CHN2: variants seen among roughly 807,000 people sequenced by gnomAD.
CHN2 encodes the protein chimerin 2, also known as beta-chimaerin.
CHN2 carries 35 observed loss-of-function variants against 56.3 expected under a neutral mutation model. That is an observed-to-expected ratio of 0.62 (90% CI 0.47 to 0.82). CHN2 has a LOEUF of 0.82. Ranked by LOEUF, CHN2 falls within the 40% of genes least tolerant of loss-of-function variation. The pLI, the probability that CHN2 is intolerant of heterozygous loss-of-function variation, is 0.00. For synonymous variants in CHN2, 210 were observed against 212.8 expected (o/e 0.99, Z 0.12); for missense variants, 491 against 580.5 (o/e 0.85, Z 1.58).
At chr7:29,211,065 TTTTTTGTTG>T (rs1241725760) in intron 1 of CHN2, among the ~76,000 whole-genome samples, 9 of 100,402 alleles carry the variant, frequency 9.0e-5, no homozygotes, top group African/African-American at 3.1e-4. Flanking sequence ...TTTTGTTTTT[TTTTTTGTTG>T]TTGTTGTTGT....
At chr7:29,289,568 C>T (rs570167048) in intron 1 of CHN2, among the ~76,000 whole-genome samples, 38 of 152,122 alleles carry the variant, frequency 2.5e-4, no homozygotes, top group Admixed American at 1.8e-3. Flanking sequence ...AATTCTAGAA[C>T]TGAACAGAGG....
At chr7:29,495,406 A>G (rs1452577128) in intron 7 of CHN2, among the ~76,000 whole-genome samples, 1 of 152,210 alleles carries the variant, frequency 6.6e-6, no homozygotes, top group Non-Finnish European at 1.5e-5. Flanking sequence ...TGGGGAAAGC[A>G]ATTCCACAGG....
chr7:29,255,276 G>T (rs1278043547), intron 1 of CHN2, among the ~76,000 whole-genome samples: 1 of 152,180 alleles, frequency 6.6e-6, no homozygotes, highest in Non-Finnish European at 1.5e-5. Context: ...TCCAGGGAAG[G>T]CCATCGAGCT....
At chr7:29,444,801 T>C (rs926662974) in intron 6 of CHN2, among the ~76,000 whole-genome samples, 1 of 152,186 alleles carries the variant, frequency 6.6e-6, no homozygotes, top group Non-Finnish European at 1.5e-5. Context: ...ACCACACTAC[T>C]CTTGGACAGT....
intron 6 of CHN2, 124 bp downstream of exon 6, chr7:29,400,952 A>G: frequency 1.1e-6 from 1 of 936,860 alleles, no homozygotes; most frequent in Middle Eastern, 2.7e-4. Flanking sequence ...AGAACTCTAG[A>G]ATGTTAGGGC....
At position 29,442,911 on chromosome 7, in the gene CHN2, T is replaced by A. The variant is rs571160634; in HGVS notation, c.577-37368T>A. Among the ~76,000 whole-genome samples the A allele has an allele frequency of 6.7e-5, 10 of 150,030 alleles. 1 individual carries two copies. In the South Asian group the frequency reaches 2.1e-3, roughly 32 times the overall value. On this transcript the variant is annotated intron_variant, in intron 6 of 12. Transcript: ENST00000222792. ...TATGATTTTCTCCACTTAATCCCCA[T>A]CGCTTTCAATTTCATTGAATTTCTT...
intron 2 of CHN2, among the ~76,000 whole-genome samples, chr7:29,363,312 C>T (rs1427505641): frequency 6.6e-6 from 1 of 152,200 alleles, no homozygotes; most frequent in Non-Finnish European, 1.5e-5. Context: ...ATGGTGAAAG[C>T]CTGTCTCTAC....
chr7:29,267,585 C>G (rs994065465), intron 1 of CHN2, among the ~76,000 whole-genome samples: 1 of 152,126 alleles, frequency 6.6e-6, no homozygotes, highest in Non-Finnish European at 1.5e-5. Context: ...ATACAAAAGG[C>G]CACCTACTTT....
chr7:29,368,015 C>T lies in CHN2; in HGVS notation c.144+28C>T, dbSNP rs1387991396. 7.6e-6 allele frequency: 12 copies of T among 1,586,382 alleles called. No homozygotes were observed. The East Asian group carries it at 2.7e-4, about 36-fold the overall frequency. On this transcript the variant is annotated intron_variant, in intron 3 of 12. Coordinates refer to ENST00000222792, the MANE Select transcript of CHN2 (RefSeq NM_004067.4). The stretch of plus-strand genomic sequence containing the variant: ...CAGTGCTCAGCTATTTCCAATACAC[C>T]TTGTTAAATATGATGAATTGTCAGC...
chr7:29,153,533 C>G (rs1019771445), intron 2 of CHN2, among the ~76,000 whole-genome samples: 3 of 152,134 alleles, frequency 2.0e-5, no homozygotes, highest in Admixed American at 6.6e-5. Flanking sequence ...TGATCCAATT[C>G]CACTTAATGA....
At chr7:29,215,027 A>G (rs1447988331) in intron 1 of CHN2, among the ~76,000 whole-genome samples, 1 of 152,208 alleles carries the variant, frequency 6.6e-6, no homozygotes, top group Non-Finnish European at 1.5e-5. Context: ...CTGCCACACC[A>G]GAACTTCTTG....
intron 8 of CHN2, 28 bp downstream of exon 8, chr7:29,496,064 A>G (rs775497292): frequency 4.0e-5 from 62 of 1,549,330 alleles, no homozygotes; most frequent in Non-Finnish European, 5.2e-5. Flanking sequence ...TTCTTTTCCA[A>G]TTATATGAAA....
At chr7:29,158,352 G>C (rs930874664) in intron 2 of CHN2, among the ~76,000 whole-genome samples, 2 of 152,160 alleles carry the variant, frequency 1.3e-5, no homozygotes, top group African/African-American at 4.8e-5. Context: ...TTGCTGTAGA[G>C]CAGATTAAAT....
intron 2 of CHN2, among the ~76,000 whole-genome samples, chr7:29,364,940 T>C (rs1799028091): frequency 1.3e-5 from 2 of 152,216 alleles, no homozygotes; most frequent in African/African-American, 4.8e-5. Context: ...ATATGCATTA[T>C]TATTTTACTC....
chr7:29,185,748 C>T (rs572126087), intron 2 of CHN2, among the ~76,000 whole-genome samples: 4 of 152,292 alleles, frequency 2.6e-5, no homozygotes, highest in East Asian at 1.9e-4. Context: ...TGCAAACCAT[C>T]GCCCTAGGAC....
chr7:29,488,563 G>A (rs565375450), intron 7 of CHN2, among the ~76,000 whole-genome samples: 99 of 152,196 alleles, frequency 6.5e-4, no homozygotes, highest in African/African-American at 1.4e-3. Context: ...CCTCTGACCC[G>A]AAGATTCCTT....
intron 1 of CHN2, among the ~76,000 whole-genome samples, chr7:29,221,251 A>C (rs1198593421): frequency 6.6e-6 from 1 of 152,258 alleles, no homozygotes; most frequent in Non-Finnish European, 1.5e-5. Flanking sequence ...AACGAAGTAA[A>C]CTGTTTTCCA....
intron 2 of CHN2, among the ~76,000 whole-genome samples, chr7:29,362,313 C>T (rs1001390100): frequency 1.2e-4 from 18 of 152,164 alleles, no homozygotes; most frequent in African/African-American, 4.3e-4. Flanking sequence ...CAGGCAACCC[C>T]GCTACCTTAT....
Position 29,509,855 on chromosome 7 carries a change from A to G in CHN2, c.1235+449A>G, listed in dbSNP as rs955716786. On this transcript the variant is annotated intron_variant, in intron 12 of 12. Transcript: ENST00000222792. ...GCGAGACTCCATCTCAAAAAAAAAA[A>G]AAAAAGAAAAAGAAAGGGGTGCCAT... 2.6e-5 allele frequency among the ~76,000 whole-genome samples: 4 copies of G among 151,910 alleles called. No homozygotes were observed. In the South Asian group the frequency reaches 6.2e-4, roughly 24 times the overall value.
Sources: allele counts gnomAD v4.1 joint callset (sites outside exome capture counted in the v4.1 genomes callset), GRCh38; gene constraint gnomAD v4.1.1; transcripts MANE v1.5; gene names NCBI Gene and HGNC (gene_info 2026-07-23, HGNC 2026-07-21).